Variants in ARHGEF26 observed in about 807,000 individuals in gnomAD.
ARHGEF26 encodes the protein Rho guanine nucleotide exchange factor (GEF) 26.
ARHGEF26 carries 59 observed loss-of-function variants against 89.4 expected under a neutral mutation model. That is an observed-to-expected ratio of 0.66 (90% CI 0.54 to 0.82). The LOEUF (loss-of-function observed/expected upper bound fraction) is 0.82. ARHGEF26 is among the 40% of genes least tolerant of loss of function. The probability of loss-of-function intolerance (pLI) is 0.00; values close to 1 mark genes in which losing one functional copy is unlikely to be tolerated. For synonymous variants in ARHGEF26, 500 were observed against 428.4 expected (o/e 1.17, Z -2.06); for missense variants, 1,234 against 1,085.6 (o/e 1.14, Z -1.92).
intron 9 of ARHGEF26, among the ~76,000 whole-genome samples, chr3:154,204,601 A>G (rs1714896375): frequency 6.6e-6 from 1 of 151,994 alleles, no homozygotes; most frequent in South Asian, 2.1e-4. Flanking sequence ...AAGTGCTGGG[A>G]TTATAGGCAT....
At position 154,257,014 on chromosome 3, in the gene ARHGEF26, T is replaced by C; in HGVS notation, c.*1541T>C. The C allele has an allele frequency of 6.7e-7, 1 of 1,493,390 alleles. No individual in the cohort carries two copies. The highest frequency in any genetic ancestry group is 1.3e-5 in the South Asian group (1 of 75,502). 92.5% of individuals were successfully genotyped at this position (1,493,390 alleles called of 1,614,324 possible). A position where few individuals can be genotyped will look rare whatever the true frequency, so the allele number is the denominator to read the frequency against. On this transcript the variant is annotated 3_prime_UTR_variant, in exon 15 of 15. Coordinates refer to ENST00000465093, the MANE Select transcript of ARHGEF26 (RefSeq NM_015595.4). Reference sequence around the variant, plus strand: ...CAAAGGGATAAAACCTGGCAAAGTGTACATTATTGGAGGACTCAAATCTGT... The same window carrying C: ...CAAAGGGATAAAACCTGGCAAAGTGCACATTATTGGAGGACTCAAATCTGT...
chr3:154,239,338 G>GTGTA (rs1717351578), intron 11 of ARHGEF26, among the ~76,000 whole-genome samples: 1 of 122,460 alleles, frequency 8.2e-6, no homozygotes, highest in East Asian at 2.4e-4. Context: ...GTGTGTGTGT[G>GTGTA]TGTATGAAGA....
intron 4 of ARHGEF26, among the ~76,000 whole-genome samples, chr3:154,137,731 C>T (rs937517088): frequency 8.0e-5 from 12 of 150,896 alleles, no homozygotes; most frequent in Admixed American, 7.3e-4. Flanking sequence ...AATCTCAGAA[C>T]TTTGGAAGGC....
intron 11 of ARHGEF26, among the ~76,000 whole-genome samples, chr3:154,236,986 A>G (rs1308890731): frequency 6.6e-6 from 1 of 152,196 alleles, no homozygotes. Context: ...TTGTTCAGGC[A>G]TATTCAATGA....
intron 4 of ARHGEF26, among the ~76,000 whole-genome samples, chr3:154,136,155 G>A (rs1459224931): frequency 6.6e-6 from 1 of 151,964 alleles, no homozygotes; most frequent in Non-Finnish European, 1.5e-5. Context: ...TCATTGGAAT[G>A]TTTCTTCAGT....
At chr3:154,193,393 C>T (rs1018205555) in intron 8 of ARHGEF26, among the ~76,000 whole-genome samples, 1 of 152,222 alleles carries the variant, frequency 6.6e-6, no homozygotes, top group Non-Finnish European at 1.5e-5. Context: ...ATGGTGCACT[C>T]TGTGTTTCTC....
chr3:154,142,439 A>G (rs932631093), intron 4 of ARHGEF26, among the ~76,000 whole-genome samples: 1 of 152,180 alleles, frequency 6.6e-6, no homozygotes, highest in Non-Finnish European at 1.5e-5. Context: ...AGATCTCCGT[A>G]CAATAAGGTA....
intron 9 of ARHGEF26, among the ~76,000 whole-genome samples, chr3:154,211,522 TG>T (rs1715360392): frequency 1.1e-5 from 1 of 91,678 alleles, no homozygotes; most frequent in African/African-American, 4.2e-5. Context: ...CGGGGGTGGG[TG>T]GGGGGTGGCA....
chr3:154,256,571 AAAAACC>A lies in ARHGEF26; in HGVS notation c.*1099_*1104del. The A allele has an allele frequency of 2.0e-6, 2 of 999,898 alleles. No homozygotes were observed. The highest frequency in any genetic ancestry group is 2.4e-6 in the Non-Finnish European group (2 of 840,366). 61.9% of individuals were successfully genotyped at this position (999,898 alleles called of 1,614,324 possible). A position where few individuals can be genotyped will look rare whatever the true frequency, so the allele number is the denominator to read the frequency against. ...ATTAAAAAAAAAAAAAAAAAAAAAA[AAAAACC>A]TTCCCAAATGAGCTGATAAAAAACT... is the stretch of plus-strand genomic sequence containing the variant. On this transcript the variant is annotated 3_prime_UTR_variant, in exon 15 of 15. Coordinates refer to ENST00000465093, the MANE Select transcript of ARHGEF26 (RefSeq NM_015595.4).
rs3172332 is a variant in ARHGEF26 at position 154,255,619 on chromosome 3, T to C, written c.*146T>C. 0.35 allele frequency: 501,024 copies of C among 1,444,692 alleles called. 90,540 individuals are homozygous for C. The highest frequency in any genetic ancestry group is 0.43 in the South Asian group (28,126 of 66,132). The allele number at this position is 1,444,692 out of a possible 1,614,324, so 89.5% of individuals were successfully genotyped here. Reference sequence around the variant, plus strand: ...TGCCTTTAAGCTTGCCAGGTTGTTCTGCTCTCTCATGAGAAGAGCTTGGAT... The same window carrying C: ...TGCCTTTAAGCTTGCCAGGTTGTTCCGCTCTCTCATGAGAAGAGCTTGGAT... On this transcript the variant is annotated 3_prime_UTR_variant, in exon 15 of 15. Coordinates refer to ENST00000465093, the MANE Select transcript of ARHGEF26 (RefSeq NM_015595.4).
At position 154,256,084 on chromosome 3, in the gene ARHGEF26, T is replaced by C. The variant is rs1441789188; in HGVS notation, c.*611T>C. 6 of 985,228 alleles carry C rather than the reference T, an allele frequency of 6.1e-6. No homozygotes were observed. The African/African-American group carries it at 8.7e-5, about 14-fold the overall frequency. 61.0% of individuals were successfully genotyped at this position (985,228 alleles called of 1,614,324 possible). A position where few individuals can be genotyped will look rare whatever the true frequency, so the allele number is the denominator to read the frequency against. On this transcript the variant is annotated 3_prime_UTR_variant, in exon 15 of 15. Coordinates refer to ENST00000465093, the MANE Select transcript of ARHGEF26 (RefSeq NM_015595.4). The stretch of plus-strand genomic sequence containing the variant: ...ACCTTTTTCCTCATTAGAAGGAAAG[T>C]AGAAAGCCTTACTTTAGGATTTTTA...
chr3:154,200,731 A>G (rs943900385), intron 9 of ARHGEF26, among the ~76,000 whole-genome samples: 4 of 151,570 alleles, frequency 2.6e-5, no homozygotes, highest in African/African-American at 9.7e-5. Flanking sequence ...ATGAACATGG[A>G]ATATTTTTTA....
chr3:154,169,445 A>G (rs964712889), intron 6 of ARHGEF26, among the ~76,000 whole-genome samples: 1 of 151,484 alleles, frequency 6.6e-6, no homozygotes, highest in East Asian at 1.9e-4. Flanking sequence ...GCCTTTTCTT[A>G]TACTATAAAC....
intron 9 of ARHGEF26, among the ~76,000 whole-genome samples, chr3:154,201,216 A>G (rs1044436361): frequency 1.5e-5 from 2 of 132,388 alleles, no homozygotes; most frequent in Admixed American, 1.9e-4. Context: ...ATGTGTTCTC[A>G]TTGTTCAATT....
intron 11 of ARHGEF26, among the ~76,000 whole-genome samples, chr3:154,233,428 TAGA>T (rs1412951003): frequency 1.3e-5 from 2 of 152,324 alleles, no homozygotes; most frequent in Admixed American, 6.5e-5. Context: ...TCATGTTTTT[TAGA>T]AGGAGAAGGG....
At chr3:154,191,550 GTGT>G (rs1171107738) in intron 8 of ARHGEF26, 132 bp downstream of exon 8, 11 of 1,126,086 alleles carry the variant, frequency 9.8e-6, no homozygotes, top group Non-Finnish European at 1.2e-5. Flanking sequence ...AAGTGAGAAG[GTGT>G]TGTTTGTTCA....
intron 6 of ARHGEF26, among the ~76,000 whole-genome samples, 174 bp from the exon 7 acceptor site, chr3:154,187,511 T>C (rs1010331917): frequency 1.3e-5 from 2 of 151,798 alleles, no homozygotes; most frequent in Non-Finnish European, 2.9e-5. Context: ...GAGGTGTTAA[T>C]ATGATAGATT....
At position 154,254,809 on chromosome 3, in the gene ARHGEF26, C is replaced by G; in HGVS notation, c.2458C>G (p.Gln820Glu). The change falls in exon 14 of 15, where the codon CAA becomes GAA. Residue 820 changes from glutamine (Q) to glutamate (E), a missense_variant. Coordinates refer to ENST00000465093, the MANE Select transcript of ARHGEF26 (RefSeq NM_015595.4). The stretch of plus-strand genomic sequence containing the variant: ...GGTGGCTGACGTCGTCCTCATCTAT[C>G]AACGTGTCAGCGATGGTGAGTGGGA... ...LQVADVVLIY[Q>E]RVSDGWYEGE... The G allele has an allele frequency of 6.2e-7, 1 of 1,613,754 alleles. No individual in the cohort carries two copies. The highest frequency in any genetic ancestry group is 8.5e-7 in the Non-Finnish European group (1 of 1,179,790).
intron 7 of ARHGEF26, among the ~76,000 whole-genome samples, chr3:154,190,457 G>A (rs1242057263): frequency 6.6e-6 from 1 of 152,154 alleles, no homozygotes; most frequent in Non-Finnish European, 1.5e-5. Flanking sequence ...GCAGTGAGCC[G>A]AGATTGTGCC....
Sources: allele counts gnomAD v4.1 joint callset (sites outside exome capture counted in the v4.1 genomes callset), GRCh38; gene constraint gnomAD v4.1.1; transcripts MANE v1.5; gene names NCBI Gene and HGNC (gene_info 2026-07-23, HGNC 2026-07-21).